The following CLCN5 variants were observed in gnomAD, a reference collection of about 807,000 sequenced individuals.
CLCN5 encodes H(+)/Cl(-) exchange transporter 5.
In CLCN5, 17 loss-of-function variants were observed where a neutral mutation model predicts 54.0. The ratio of observed to expected loss-of-function variants is 0.31; its 90% CI spans 0.22 to 0.47. The LOEUF is 0.47. CLCN5 is among the 20% of genes least tolerant of loss of function. The probability of loss-of-function intolerance (pLI) is 1.00; values close to 1 mark genes in which losing one functional copy is unlikely to be tolerated. For synonymous variants in CLCN5, 222 were observed against 233.0 expected (o/e 0.95, Z 0.43); for missense variants, 448 against 646.7 (o/e 0.69, Z 3.33).
At chrX:50,062,087 A>C (rs1932863840) in intron 4 of CLCN5, among the ~76,000 whole-genome samples, 1 of 108,026 alleles carries the variant, frequency 9.3e-6, no homozygotes, top group Non-Finnish European at 1.9e-5. Flanking sequence ...GACTAGGAAG[A>C]AAGTGCATCA....
chrX:50,030,326 C>T (rs1381779585), intron 3 of CLCN5, among the ~76,000 whole-genome samples: 2 of 111,217 alleles, frequency 1.8e-5, no homozygotes, highest in East Asian at 2.8e-4. Flanking sequence ...AGTATGTCTC[C>T]ATCATATATG....
intron 3 of CLCN5, among the ~76,000 whole-genome samples, chrX:49,998,214 CTGT>C (rs1929625825): frequency 9.0e-6 from 1 of 111,527 alleles, no homozygotes; most frequent in African/African-American, 3.3e-5. Context: ...TTAGGCACAG[CTGT>C]TAATGGCAGA....
chrX:49,981,682 A>G lies in CLCN5; in HGVS notation c.16+56368A>G, dbSNP rs781993912. Among the ~76,000 whole-genome samples the G allele has an allele frequency of 9.7e-4, 104 of 107,131 alleles. 1 individual carries two copies. The highest frequency in any genetic ancestry group is 1.7e-3 in the Non-Finnish European group (88 of 52,465). 93.0% of individuals were successfully genotyped at this position (107,131 alleles called of 115,157 possible). A position where few individuals can be genotyped will look rare whatever the true frequency, so the allele number is the denominator to read the frequency against. Reference sequence around the variant, plus strand: ...TCTACTACTAGCAGCCAGACTCAGCAGCCATTGAACCTTTTTTTTTTTTTT... The same window carrying G: ...TCTACTACTAGCAGCCAGACTCAGCGGCCATTGAACCTTTTTTTTTTTTTT... On this transcript the variant is annotated intron_variant, in intron 3 of 14. Coordinates refer to ENST00000376091, the MANE Select transcript of CLCN5 (RefSeq NM_001127898.4).
In CLCN5 at chrX:49,925,324, T is replaced by A; in HGVS notation, c.16+10T>A. The A allele has an allele frequency of 1.7e-6, 2 of 1,204,856 alleles. No homozygotes were observed. Among genetic ancestry groups the A allele is most frequent in the Non-Finnish European group, 2.2e-6 (2 of 889,672 alleles). On this transcript the variant is annotated intron_variant, in intron 3 of 14. Transcript: ENST00000376091. ...ATGGCCATGTGGCAGGGTAAGAAAT[T>A]AGCACTTATTCTTCTAACTGGTTTT... is the stretch of plus-strand genomic sequence containing the variant.
At chrX:49,985,083 C>T (rs985327945) in intron 3 of CLCN5, among the ~76,000 whole-genome samples, 2 of 110,519 alleles carry the variant, frequency 1.8e-5, no homozygotes, top group Non-Finnish European at 3.8e-5. Context: ...GTAAGTATAA[C>T]TAAAATATAT....
At chrX:50,007,439 G>GTCAC (rs1313371361) in intron 3 of CLCN5, among the ~76,000 whole-genome samples, 8 of 41,586 alleles carry the variant, frequency 1.9e-4, no homozygotes, top group Admixed American at 1.8e-3. Context: ...CTCTCTCTCT[G>GTCAC]TCACACACAC....
At chrX:49,962,018 C>T (rs1927619607) in intron 3 of CLCN5, among the ~76,000 whole-genome samples, 1 of 111,967 alleles carries the variant, frequency 8.9e-6, no homozygotes, top group South Asian at 3.7e-4. Flanking sequence ...TGACCTTCAA[C>T]AGGAAGAAGC....
At chrX:50,067,509 T>C (rs1933066715) in intron 4 of CLCN5, 2 of 594,171 alleles carry the variant, frequency 3.4e-6, no homozygotes, top group Non-Finnish European at 4.0e-6. Context: ...AAAATCTTCC[T>C]TTCTCCCAGG....
chrX:50,035,059 G>A (rs781797862), intron 3 of CLCN5, among the ~76,000 whole-genome samples: 5 of 110,937 alleles, frequency 4.5e-5, no homozygotes, highest in Non-Finnish European at 7.5e-5. Flanking sequence ...AGCCAAGCAC[G>A]AATGCCACCT....
At chrX:50,076,513 T>C (rs1450528139) in intron 7 of CLCN5, among the ~76,000 whole-genome samples, 7 of 111,478 alleles carry the variant, frequency 6.3e-5, no homozygotes, top group African/African-American at 2.3e-4. Context: ...GTCCTTGTCT[T>C]CTAGCATACG....
At chrX:50,088,385 C>A in intron 11 of CLCN5, 1 of 291,874 alleles carries the variant, frequency 3.4e-6, no homozygotes, top group East Asian at 6.6e-5. Flanking sequence ...TGAGAAACTC[C>A]ATCTATTTTC....
rs1348714780 is a variant in CLCN5, at chrX:49,929,772, G to GTTTTT, written c.16+4460_16+4464dup. Among the ~76,000 whole-genome samples the GTTTTT allele has an allele frequency of 3.3e-3, 330 of 99,587 alleles. 9 individuals carry two copies. Among genetic ancestry groups the GTTTTT allele is most frequent in the African/African-American group, 0.013 (311 of 23,632 alleles). The allele number at this position is 99,587 out of a possible 115,157, so 86.5% of individuals were successfully genotyped here. A position where few individuals can be genotyped will look rare whatever the true frequency, so the allele number is the denominator to read the frequency against. On this transcript the variant is annotated intron_variant, in intron 3 of 14. Transcript: ENST00000376091. Reference sequence around the variant, plus strand: ...TTTGGAACTGCTGCAATAAATATAGGTTTTTTGTTTTTTTTTTTTTTGGAG... The same window carrying GTTTTT: ...TTTGGAACTGCTGCAATAAATATAGGTTTTTTTTTTTGTTTTTTTTTTTTTTGGAG...
At chrX:50,088,675 C>T in intron 11 of CLCN5, 23 bp from the exon 12 acceptor site, 1 of 1,196,387 alleles carries the variant, frequency 8.4e-7, no homozygotes, top group Non-Finnish European at 1.1e-6. Flanking sequence ...TCTCACTAAC[C>T]ATCTATTGGT....
intron 3 of CLCN5, among the ~76,000 whole-genome samples, chrX:49,978,262 T>C (rs782258783): frequency 1.3e-3 from 147 of 111,981 alleles, no homozygotes; most frequent in Non-Finnish European, 4.9e-4. Context: ...AAATTCTTAA[T>C]AGTTTTTGAG....
chrX:49,955,658 A>T lies in CLCN5; in HGVS notation c.16+30344A>T, dbSNP rs12688100. 9.0e-5 allele frequency among the ~76,000 whole-genome samples: 10 copies of T among 111,534 alleles called. No individual in the cohort carries two copies. The East Asian group carries it at 1.7e-3, about 19-fold the overall frequency. ...TACTGTGTACTCCAAAGACAGTTCA[A>T]CCTAGCAACTATTAAACTGACTTTC... On this transcript the variant is annotated intron_variant, in intron 3 of 14. Transcript: ENST00000376091.
intron 3 of CLCN5, among the ~76,000 whole-genome samples, chrX:50,033,682 T>C (rs1931843659): frequency 9.0e-6 from 1 of 111,594 alleles, no homozygotes; most frequent in African/African-American, 3.3e-5. Flanking sequence ...AAAGTTCATA[T>C]GGAACCAAAA....
chrX:50,082,690 CTT>C (rs1933748233), intron 9 of CLCN5, among the ~76,000 whole-genome samples: 1 of 111,416 alleles, frequency 9.0e-6, no homozygotes, highest in Admixed American at 9.6e-5. Flanking sequence ...AGGATTTTAA[CTT>C]TTTATTGTAT....
chrX:49,973,874 T>C (rs1312943625), intron 3 of CLCN5, among the ~76,000 whole-genome samples: 1 of 111,569 alleles, frequency 9.0e-6, no homozygotes, highest in Non-Finnish European at 1.9e-5. Context: ...AGAACATTTG[T>C]ATCTTACCAA....
intron 3 of CLCN5, among the ~76,000 whole-genome samples, chrX:49,937,852 C>T (rs1341428950): frequency 8.9e-6 from 1 of 111,735 alleles, no homozygotes; most frequent in African/African-American, 3.2e-5. Flanking sequence ...AGGAAAAATG[C>T]AAGTATAATC....
Sources: allele counts gnomAD v4.1 joint callset (sites outside exome capture counted in the v4.1 genomes callset), GRCh38; gene constraint gnomAD v4.1.1; transcripts MANE v1.5; gene names NCBI Gene and HGNC (gene_info 2026-07-23, HGNC 2026-07-21).